The following RBFOX1 variants were observed in gnomAD, a reference collection of about 807,000 sequenced individuals.
RBFOX1 encodes RNA binding protein fox-1 homolog 1.
A neutral mutation model predicts 57.7 loss-of-function variants in RBFOX1; 8 were observed. The ratio of observed to expected loss-of-function variants is 0.14; its 90% CI spans 0.08 to 0.25. The LOEUF is 0.25. Ranked by LOEUF, RBFOX1 falls within the 10% of genes least tolerant of loss-of-function variation. The pLI is 1.00. For synonymous variants in RBFOX1, 326 were observed against 222.4 expected, an observed-to-expected ratio of 1.47 and a Z score of -4.15; for missense variants, 611 against 548.5, an observed-to-expected ratio of 1.11 and a Z score of -1.14.
At chr16:6,163,091 T>G (rs559370926) in intron 1 of RBFOX1, among the ~76,000 whole-genome samples, 1 of 152,176 alleles carries the variant, frequency 6.6e-6, no homozygotes, top group East Asian at 1.9e-4. Context: ...CCAGAGAAGG[T>G]TAATTGTGAA....
rs991667605 is a variant in RBFOX1 at position 6,933,772 on chromosome 16, G to C, written c.-15-118285G>C. On this transcript the variant is annotated intron_variant, in intron 3 of 15. Transcript: ENST00000550418. Reference sequence around the variant, plus strand: ...AGGGAGTGGGGAAGAAGTATGGTCAGAACATTTTCCAAACTAGTGTTCATT... The same window carrying C: ...AGGGAGTGGGGAAGAAGTATGGTCACAACATTTTCCAAACTAGTGTTCATT... Among the ~76,000 whole-genome samples the C allele has an allele frequency of 6.6e-5, 10 of 152,178 alleles. No individual in the cohort carries two copies. The East Asian group carries it at 1.9e-3, about 29-fold the overall frequency.
At position 6,081,461 on chromosome 16, in the gene RBFOX1, A is replaced by T. The variant is rs185236983; in HGVS notation, c.-127+61469A>T. 2.6e-5 allele frequency among the ~76,000 whole-genome samples: 4 copies of T among 152,248 alleles called. No individual in the cohort carries two copies. The East Asian group carries it at 7.7e-4, about 29-fold the overall frequency. ...ACACTAGGATGCTTCTGAGCTGAAG[A>T]TGAAGGTGGTTGGTTTTCTTCCTCC... On this transcript the variant is annotated intron_variant, in intron 1 of 15. Transcript: ENST00000550418.
intron 2 of RBFOX1, among the ~76,000 whole-genome samples, chr16:6,549,946 T>G (rs2096960635): frequency 6.6e-6 from 1 of 152,192 alleles, no homozygotes; most frequent in Admixed American, 6.5e-5. Flanking sequence ...ACAGATGCTT[T>G]CTTTGGCTGG....
At chr16:7,372,534 G>C (rs777878796) in intron 4 of RBFOX1, among the ~76,000 whole-genome samples, 4 of 152,176 alleles carry the variant, frequency 2.6e-5, no homozygotes, top group Non-Finnish European at 5.9e-5. Flanking sequence ...TGATTGATTA[G>C]TAGTGGCTGT....
chr16:7,094,835 G>C lies in RBFOX1; in HGVS notation c.27+42737G>C, dbSNP rs143772989. The stretch of plus-strand genomic sequence containing the variant: ...AGACAGAGGGTAAGAGAATTTTTCT[G>C]CTTACATTTAAATAACTCACTTATG... On this transcript the variant is annotated intron_variant, in intron 4 of 15. Transcript: ENST00000550418. Among the ~76,000 whole-genome samples, 81 of 151,044 alleles carry C rather than the reference G, an allele frequency of 5.4e-4. 1 individual carries two copies. The highest frequency in any genetic ancestry group is 1.3e-3 in the African/African-American group (54 of 41,206).
chr16:6,221,897 A>G (rs528563950), intron 1 of RBFOX1, among the ~76,000 whole-genome samples: 1 of 152,198 alleles, frequency 6.6e-6, no homozygotes, highest in African/African-American at 2.4e-5. Context: ...ATTATTCAAG[A>G]TGAAATTTGG....
chr16:7,042,287 G>T (rs997922016), intron 3 of RBFOX1, among the ~76,000 whole-genome samples: 2 of 152,324 alleles, frequency 1.3e-5, no homozygotes, highest in South Asian at 2.1e-4. Flanking sequence ...TTGGGGAGGA[G>T]GGCTAACAGT....
chr16:7,364,826 A>C (rs572412520), intron 4 of RBFOX1, among the ~76,000 whole-genome samples: 327 of 152,306 alleles, frequency 2.1e-3, no homozygotes, highest in South Asian at 4.2e-3. Flanking sequence ...TGTGAGGGCA[A>C]CATACTTGTT....
chr16:7,000,874 T>C (rs865825954), intron 3 of RBFOX1, among the ~76,000 whole-genome samples: 28 of 152,284 alleles, frequency 1.8e-4, no homozygotes, highest in African/African-American at 6.5e-4. Context: ...AGTGCTGGGA[T>C]TACAGGCGTG....
At chr16:5,467,477 A>T (rs2151611346) in intron 2 of RBFOX1, among the ~76,000 whole-genome samples, 1 of 152,300 alleles carries the variant, frequency 6.6e-6, no homozygotes, top group Admixed American at 6.5e-5. Flanking sequence ...TGAGCTCCAG[A>T]AATGAAGTCA....
intron 3 of RBFOX1, among the ~76,000 whole-genome samples, chr16:5,639,554 A>G (rs189863793): frequency 2.4e-4 from 37 of 152,310 alleles, no homozygotes; most frequent in Non-Finnish European, 4.1e-4. Context: ...TAGAGGGAGC[A>G]AGAAGTGTGT....
At chr16:6,644,109 G>A (rs956599028) in intron 2 of RBFOX1, among the ~76,000 whole-genome samples, 2 of 152,160 alleles carry the variant, frequency 1.3e-5, no homozygotes, top group Non-Finnish European at 2.9e-5. Flanking sequence ...CTGGGCAACA[G>A]AGCGAGACTC....
At chr16:5,395,061 C>T (rs1027560441) in intron 1 of RBFOX1, among the ~76,000 whole-genome samples, 1 of 152,212 alleles carries the variant, frequency 6.6e-6, no homozygotes, top group African/African-American at 2.4e-5. Context: ...AGAATCTCTT[C>T]CCAACCTGCC....
chr16:7,332,963 G>A (rs2096718780), intron 4 of RBFOX1: 3 of 1,612,758 alleles, frequency 1.9e-6, no homozygotes, highest in South Asian at 1.1e-5. Flanking sequence ...CTCCATTGAT[G>A]TGTTGAGCTT....
chr16:6,554,090 T>A (rs964705332), intron 2 of RBFOX1, among the ~76,000 whole-genome samples: 1 of 152,178 alleles, frequency 6.6e-6, no homozygotes, highest in Non-Finnish European at 1.5e-5. Flanking sequence ...CAGTTTAATG[T>A]CTGTGCAAAA....
exon 3 of RBFOX1, chr16:5,600,099 A>G (rs556911980): frequency 5.3e-5 from 8 of 150,458 alleles, no homozygotes; most frequent in South Asian, 4.3e-4. Context: ...GCCATCCTGG[A>G]TAACATGGTG....
chr16:6,906,544 A>G (rs907707969), intron 3 of RBFOX1, among the ~76,000 whole-genome samples: 5 of 152,136 alleles, frequency 3.3e-5, no homozygotes, highest in African/African-American at 4.8e-5. Context: ...ACTTTTCTTT[A>G]TGGTTTTGTT....
At chr16:7,533,701 T>C (rs1008081959) in intron 5 of RBFOX1, among the ~76,000 whole-genome samples, 4 of 152,230 alleles carry the variant, frequency 2.6e-5, no homozygotes, top group Non-Finnish European at 5.9e-5. Context: ...AGAATGGTTG[T>C]ATGGGCACTC....
intron 1 of RBFOX1, among the ~76,000 whole-genome samples, chr16:6,301,776 T>G (rs866262832): frequency 3.3e-5 from 5 of 152,200 alleles, no homozygotes; most frequent in African/African-American, 1.2e-4. Flanking sequence ...CTACTAGATC[T>G]GGACCCAAAA....
Sources: allele counts gnomAD v4.1 joint callset (sites outside exome capture counted in the v4.1 genomes callset), GRCh38; gene constraint gnomAD v4.1.1; transcripts MANE v1.5; gene names NCBI Gene and HGNC (gene_info 2026-07-23, HGNC 2026-07-21).